MROH1: variants seen among roughly 807,000 people sequenced by gnomAD.
MROH1 encodes maestro heat-like repeat-containing protein family member 1.
MROH1 carries 117 observed loss-of-function variants against 116.5 expected under a neutral mutation model. The ratio of observed to expected loss-of-function variants is 1.00; its 90% CI spans 0.86 to 1.17. The LOEUF is 1.17. MROH1 is among the 50% of genes most tolerant of loss of function. MROH1 has a pLI of 0.00. For missense variants in MROH1, 1,873 were observed against 1,338.5 expected, an observed-to-expected ratio of 1.40 and a Z score of -6.23; for synonymous variants, 921 against 583.9, an observed-to-expected ratio of 1.58 and a Z score of -8.32.
intron 4 of MROH1, among the ~76,000 whole-genome samples, chr8:144,171,979 G>A (rs1184599866): frequency 6.6e-6 from 1 of 152,142 alleles, no homozygotes; most frequent in Non-Finnish European, 1.5e-5. Flanking sequence ...GACAACCAGC[G>A]AACATTAGGT....
At chr8:144,172,726 C>T (rs1822818489) in intron 4 of MROH1, among the ~76,000 whole-genome samples, 1 of 152,082 alleles carries the variant, frequency 6.6e-6, no homozygotes, top group African/African-American at 2.4e-5. Context: ...CTCTTTTAAC[C>T]AGTTGTCAGT....
chr8:144,206,503 A>G (rs1185280973), intron 12 of MROH1, among the ~76,000 whole-genome samples: 3 of 147,108 alleles, frequency 2.0e-5, no homozygotes, highest in African/African-American at 7.5e-5. Context: ...GCTCACTGCA[A>G]CCTCCACCTC....
chr8:144,253,739 G>A (rs1843222541), intron 33 of MROH1, among the ~76,000 whole-genome samples: 1 of 151,938 alleles, frequency 6.6e-6, no homozygotes, highest in African/African-American at 2.4e-5. Context: ...ACTTGAGAAT[G>A]TCTTTATTTG....
At chr8:144,235,458 G>C (rs1839894231) in intron 14 of MROH1, among the ~76,000 whole-genome samples, 1 of 152,260 alleles carries the variant, frequency 6.6e-6, no homozygotes, top group Admixed American at 6.5e-5. Context: ...GAAGCATTTA[G>C]GCCGGTACCA....
chr8:144,255,810 G>A (rs1230722539), intron 35 of MROH1, 105 bp downstream of exon 35: 30 of 653,566 alleles, frequency 4.6e-5, no homozygotes, highest in Non-Finnish European at 8.2e-5. Context: ...CACGGGGAGT[G>A]TGGGAGTGAC....
At chr8:144,255,269 G>C (rs1243477593) in intron 34 of MROH1, among the ~76,000 whole-genome samples, 6 of 152,264 alleles carry the variant, frequency 3.9e-5, no homozygotes, top group Non-Finnish European at 1.5e-5. Flanking sequence ...GAGGAGCTGA[G>C]AACAGATGGC....
chr8:144,249,304 G>C (rs1475129132), intron 32 of MROH1, among the ~76,000 whole-genome samples: 1 of 151,626 alleles, frequency 6.6e-6, no homozygotes, highest in African/African-American at 2.4e-5. Context: ...CAAGTGCTGA[G>C]AGAATAAGGG....
chr8:144,202,583 GTGGGGGGGAAA>G (rs1831499245), intron 12 of MROH1, among the ~76,000 whole-genome samples: 1 of 128,954 alleles, frequency 7.8e-6, no homozygotes, highest in South Asian at 2.9e-4. Context: ...CGCCCCCTCT[GTGGGGGGGAAA>G]GGAGGGAAGC....
rs957300750 is a variant in MROH1 at position 144,255,874 on chromosome 8, G to A, written c.3791+169G>A. Reference sequence around the variant, plus strand: ...CAGGTGCAGGGCTGAGCTGTCAGTGGTGACATCCATGGCCACCCTTCTCAC... The same window carrying A: ...CAGGTGCAGGGCTGAGCTGTCAGTGATGACATCCATGGCCACCCTTCTCAC... On this transcript the variant is annotated intron_variant, in intron 35 of 43. Coordinates refer to ENST00000326134, the MANE Select transcript of MROH1 (RefSeq NM_032450.3). 5.9e-5 allele frequency among the ~76,000 whole-genome samples: 9 copies of A among 152,354 alleles called. No homozygotes were observed. In the East Asian group the frequency reaches 1.5e-3, roughly 26 times the overall value.
chr8:144,158,155 G>C (rs1818642709), intron 1 of MROH1, among the ~76,000 whole-genome samples: 1 of 151,956 alleles, frequency 6.6e-6, no homozygotes, highest in East Asian at 1.9e-4. Context: ...ACCATGCCCA[G>C]CTAATTTTTG....
intron 14 of MROH1, among the ~76,000 whole-genome samples, chr8:144,231,214 A>C (rs1838817508): frequency 6.6e-6 from 1 of 151,520 alleles, no homozygotes; most frequent in East Asian, 1.9e-4. Flanking sequence ...ACTTCTTTCT[A>C]CACAGACACG....
At chr8:144,150,433 A>G (rs1816436669) in intron 1 of MROH1, among the ~76,000 whole-genome samples, 1 of 152,130 alleles carries the variant, frequency 6.6e-6, no homozygotes, top group Non-Finnish European at 1.5e-5. Flanking sequence ...GTGTACTAGT[A>G]CGAGGGCATC....
At chr8:144,259,008 G>C (rs1448718536) in intron 36 of MROH1, 94 bp downstream of exon 36, 2 of 645,226 alleles carry the variant, frequency 3.1e-6, no homozygotes, top group South Asian at 1.7e-5. Context: ...GGGCCCATGC[G>C]TGTCAGGCCA....
chr8:144,260,431 T>A (rs1588568717), intron 39 of MROH1, 57 bp downstream of exon 39: 4 of 701,348 alleles, frequency 5.7e-6, no homozygotes, highest in Non-Finnish European at 1.0e-5. Context: ...TGCCTCTTAC[T>A]CTGAGCTTTA....
intron 7 of MROH1, among the ~76,000 whole-genome samples, chr8:144,184,707 G>C (rs369587558): frequency 6.6e-6 from 1 of 152,212 alleles, no homozygotes; most frequent in South Asian, 2.1e-4. Context: ...GCAGAGAGAA[G>C]GGGGTGCGGG....
intron 15 of MROH1, 83 bp downstream of exon 15, chr8:144,238,946 G>T: frequency 1.3e-6 from 1 of 769,236 alleles, no homozygotes; most frequent in Non-Finnish European, 2.4e-6. Context: ...CCAGCAAAGG[G>T]TCTGTCTCCA....
intron 12 of MROH1, among the ~76,000 whole-genome samples, chr8:144,208,178 A>G (rs952982424): frequency 2.0e-5 from 3 of 152,130 alleles, no homozygotes; most frequent in African/African-American, 7.2e-5. Context: ...TCCTGACCTC[A>G]GGTGATCCGC....
At chr8:144,177,102 C>T (rs1824184667) in intron 4 of MROH1, among the ~76,000 whole-genome samples, 1 of 152,226 alleles carries the variant, frequency 6.6e-6, no homozygotes, top group Non-Finnish European at 1.5e-5. Flanking sequence ...GGCTTGTGAC[C>T]TACATTGGCT....
intron 12 of MROH1, among the ~76,000 whole-genome samples, chr8:144,209,265 T>C (rs1719529822): frequency 6.6e-6 from 1 of 152,060 alleles, no homozygotes; most frequent in Non-Finnish European, 1.5e-5. Context: ...TTCTTCAAGA[T>C]TGTTCATCCC....
Sources: gnomAD v4.1 joint callset for allele counts (sites outside exome capture counted in the v4.1 genomes callset) on GRCh38, gnomAD v4.1.1 for gene constraint, MANE v1.5 for transcripts, NCBI Gene and HGNC (gene_info 2026-07-23, HGNC 2026-07-21) for gene names.